Variants in GNB5 observed in about 807,000 individuals in gnomAD.
The protein encoded by GNB5 is G protein subunit beta 5.
Under a neutral mutation model 55.3 loss-of-function variants are expected in GNB5, and 37 were observed. The observed-to-expected ratio is 0.67, with a 90% CI of 0.51 to 0.88. The LOEUF is 0.88. GNB5 is among the 40% of genes least tolerant of loss of function. The probability of loss-of-function intolerance (pLI) is 0.00; values close to 1 mark genes in which losing one functional copy is unlikely to be tolerated. For synonymous variants in GNB5, 219 were observed against 198.5 expected (o/e 1.10, Z -0.87); for missense variants, 476 against 515.3 (o/e 0.92, Z 0.74).
At chr15:52,123,189 G>A (rs1476202199) in intron 12 of GNB5, among the ~76,000 whole-genome samples, 3 of 151,986 alleles carry the variant, frequency 2.0e-5, no homozygotes, top group Non-Finnish European at 2.9e-5. Context: ...TTTGTTTCAG[G>A]AATTTTGCAA....
chr15:52,125,012 G>C (rs2033384929), intron 11 of GNB5, among the ~76,000 whole-genome samples: 1 of 152,182 alleles, frequency 6.6e-6, no homozygotes, highest in African/African-American at 2.4e-5. Context: ...AAGTTAAAGT[G>C]ACATTTGAGT....
In GNB5 at chr15:52,120,015, G is replaced by C. The variant is rs2033227583; in HGVS notation, c.*2742C>G. 6.6e-6 allele frequency: 1 copy of C among 152,270 alleles called. No individual in the cohort carries two copies. Among genetic ancestry groups the C allele is most frequent in the Non-Finnish European group, 1.5e-5 (1 of 68,104 alleles). 9.4% of individuals were successfully genotyped at this position (152,270 alleles called of 1,614,324 possible). On this transcript the variant is annotated 3_prime_UTR_variant, in exon 13 of 13. Transcript: ENST00000261837. ...AGGGACGGCTGCCAGGGCCCCACCG[G>C]TGAGAGGCTGACCGCGCATTCTAAA...
intron 3 of GNB5, among the ~76,000 whole-genome samples, chr15:52,164,304 G>C (rs1032675341): frequency 1.7e-5 from 1 of 60,296 alleles, no homozygotes; most frequent in Non-Finnish European, 2.8e-5. Flanking sequence ...GCAAGACTCT[G>C]TCTTAAAAAA....
chr15:52,141,098 C>T, intron 7 of GNB5, 42 bp downstream of exon 7: 1 of 1,601,464 alleles, frequency 6.2e-7, no homozygotes, highest in Non-Finnish European at 8.6e-7. Context: ...CTCTTTAGTG[C>T]TCCTTGGCAG....
At chr15:52,150,858 C>A (rs114835380) in intron 4 of GNB5, among the ~76,000 whole-genome samples, 5 of 152,192 alleles carry the variant, frequency 3.3e-5, no homozygotes, top group African/African-American at 9.7e-5. Flanking sequence ...CCTCAGGGAT[C>A]GGAAATCTAC....
intron 6 of GNB5, among the ~76,000 whole-genome samples, chr15:52,146,506 G>A (rs937565417): frequency 6.6e-6 from 1 of 152,066 alleles, no homozygotes; most frequent in Non-Finnish European, 1.5e-5. Flanking sequence ...TTCAATTCGT[G>A]TACCACAATT....
At chr15:52,179,041 T>A (rs969134871) in intron 3 of GNB5, among the ~76,000 whole-genome samples, 5 of 152,242 alleles carry the variant, frequency 3.3e-5, no homozygotes, top group African/African-American at 1.2e-4. Flanking sequence ...TGAACCTGGC[T>A]ATTTAATCGC....
At chr15:52,140,826 G>A (rs763250213) in intron 7 of GNB5, among the ~76,000 whole-genome samples, 9 of 152,138 alleles carry the variant, frequency 5.9e-5, no homozygotes, top group African/African-American at 9.7e-5. Flanking sequence ...ACGTTAGCAC[G>A]CAGACCAGGG....
At chr15:52,141,385 G>T in intron 6 of GNB5, 113 bp from the exon 7 acceptor site, 6 of 776,546 alleles carry the variant, frequency 7.7e-6, no homozygotes, top group Non-Finnish European at 8.2e-6. Flanking sequence ...ATCATATATT[G>T]TACCCTTTCC....
intron 3 of GNB5, among the ~76,000 whole-genome samples, chr15:52,166,382 A>G (rs933288120): frequency 6.6e-6 from 1 of 152,228 alleles, no homozygotes; most frequent in African/African-American, 2.4e-5. Flanking sequence ...AAAACAGAAT[A>G]TACATTCTTC....
At chr15:52,145,458 G>A (rs1189488145) in intron 6 of GNB5, among the ~76,000 whole-genome samples, 2 of 150,604 alleles carry the variant, frequency 1.3e-5, no homozygotes, top group African/African-American at 2.4e-5. Flanking sequence ...TGGCCAACAT[G>A]GTAAAACCCC....
chr15:52,132,349 C>T (rs1328624126), intron 9 of GNB5, among the ~76,000 whole-genome samples: 5 of 152,190 alleles, frequency 3.3e-5, no homozygotes, highest in East Asian at 1.9e-4. Context: ...TCTCTGTCTC[C>T]ACCATGTCTT....
rs567020419 is a variant in GNB5 at position 52,169,094 on chromosome 15, T to C, written c.238+10674A>G. On this transcript the variant is annotated intron_variant, in intron 3 of 12. Coordinates refer to ENST00000261837, the MANE Select transcript of GNB5 (RefSeq NM_016194.4). ...ATCCCAGCATTTTGGGAGGCCAGTGTGGACGAATCACTTGAGGTTAGGAGT... is the reference window on the plus strand; with the variant it reads ...ATCCCAGCATTTTGGGAGGCCAGTGCGGACGAATCACTTGAGGTTAGGAGT... 2.5e-4 allele frequency among the ~76,000 whole-genome samples: 38 copies of C among 152,318 alleles called. 2 individuals carry two copies. Among genetic ancestry groups the C allele is most frequent in the African/African-American group, 8.4e-4 (35 of 41,560 alleles).
chr15:52,139,095 T>C (rs930958827), intron 7 of GNB5: 1 of 152,174 alleles, frequency 6.6e-6, no homozygotes. Flanking sequence ...ATGAGTTCAG[T>C]AGTACCCAAA....
chr15:52,179,726 G>C, intron 3 of GNB5, 42 bp downstream of exon 3: 1 of 1,255,132 alleles, frequency 8.0e-7, no homozygotes, highest in Non-Finnish European at 1.1e-6. Flanking sequence ...GAAGTGGCGA[G>C]CCGGTCCGGC....
At chr15:52,164,273 A>C (rs2034403458) in intron 3 of GNB5, among the ~76,000 whole-genome samples, 1 of 136,056 alleles carries the variant, frequency 7.3e-6, no homozygotes, top group Non-Finnish European at 1.5e-5. Flanking sequence ...GTGCCATTGC[A>C]CTCCAGCCTG....
intron 3 of GNB5, among the ~76,000 whole-genome samples, chr15:52,169,589 AAAAGAAAAG>A (rs1318123870): frequency 6.6e-6 from 1 of 151,230 alleles, no homozygotes; most frequent in African/African-American, 2.4e-5. Context: ...GAAAAAGAAA[AAAAGAAAAG>A]AAAGAAAAGA....
intron 7 of GNB5, chr15:52,138,008 C>CA: frequency 1.6e-6 from 2 of 1,228,420 alleles, no homozygotes; most frequent in South Asian, 2.5e-5. Flanking sequence ...CCACTGACCA[C>CA]ACCACACCTT....
intron 10 of GNB5, 134 bp from the exon 11 acceptor site, chr15:52,126,178 C>T (rs2033423532): frequency 5.1e-6 from 3 of 593,058 alleles, no homozygotes; most frequent in African/African-American, 1.9e-5. Flanking sequence ...GTTTTCCCTA[C>T]TGTTATTTCA....
Sources: allele counts gnomAD v4.1 joint callset (sites outside exome capture counted in the v4.1 genomes callset), GRCh38; gene constraint gnomAD v4.1.1; transcripts MANE v1.5; gene names NCBI Gene and HGNC (gene_info 2026-07-23, HGNC 2026-07-21).